Variants in DNAH11 observed in about 807,000 individuals in gnomAD.
The protein encoded by DNAH11 is axonemal beta dynein heavy chain 11.
A neutral mutation model predicts 526.0 loss-of-function variants in DNAH11; 442 were observed. The ratio of observed to expected loss-of-function variants is 0.84; its 90% CI spans 0.78 to 0.91. The LOEUF (loss-of-function observed/expected upper bound fraction) is 0.91. Among genes scored for constraint, DNAH11 ranks in the 40% least tolerant of loss-of-function variants. DNAH11 has a pLI of 0.00. For synonymous variants in DNAH11, 2,461 were observed against 1,935.9 expected, an observed-to-expected ratio of 1.27 and a Z score of -7.12; for missense variants, 6,989 against 5,448.7, an observed-to-expected ratio of 1.28 and a Z score of -8.90.
At chr7:21,789,638 A>C (rs1788347471) in intron 61 of DNAH11, among the ~76,000 whole-genome samples, 1 of 152,140 alleles carries the variant, frequency 6.6e-6, no homozygotes, top group Non-Finnish European at 1.5e-5. Flanking sequence ...TTCTGGAGTC[A>C]GACTATCTGG....
At chr7:21,891,758 C>G (rs1351582705) in intron 76 of DNAH11, among the ~76,000 whole-genome samples, 2 of 152,062 alleles carry the variant, frequency 1.3e-5, no homozygotes, top group East Asian at 1.9e-4. Flanking sequence ...TCTGTGGATC[C>G]TAAACAACAG....
intron 53 of DNAH11, among the ~76,000 whole-genome samples, chr7:21,750,015 GT>G (rs1786342450): frequency 6.6e-6 from 1 of 152,158 alleles, no homozygotes; most frequent in Admixed American, 6.6e-5. Context: ...ATTCTTACAC[GT>G]ACGGGTGTAG....
intron 72 of DNAH11, among the ~76,000 whole-genome samples, chr7:21,868,242 C>T (rs1332583480): frequency 1.3e-5 from 2 of 152,046 alleles, no homozygotes; most frequent in African/African-American, 2.4e-5. Context: ...CTGTTTTCCA[C>T]CTTTTGACTG....
intron 65 of DNAH11, among the ~76,000 whole-genome samples, chr7:21,828,841 C>T (rs1056748584): frequency 5.8e-5 from 8 of 138,074 alleles, no homozygotes; most frequent in South Asian, 2.3e-4. Context: ...TTGTTTAATT[C>T]TGGTTGAAGT....
At chr7:21,835,471 A>G (rs1583753368) in intron 65 of DNAH11, among the ~76,000 whole-genome samples, 2 of 152,206 alleles carry the variant, frequency 1.3e-5, no homozygotes, top group South Asian at 2.1e-4. Flanking sequence ...ACACAAATCA[A>G]TAAATGTGAT....
chr7:21,773,040 C>T (rs1989906), intron 55 of DNAH11, among the ~76,000 whole-genome samples: 142,218 of 152,252 alleles, frequency 0.93, 66,578 homozygotes, highest in African/African-American at 0.97. Flanking sequence ...CCTTGATTAA[C>T]TGAACCTGGT....
chr7:21,750,508 A>C, intron 54 of DNAH11, 144 bp downstream of exon 54: 1 of 1,119,660 alleles, frequency 8.9e-7, no homozygotes, highest in Non-Finnish European at 1.3e-6. Flanking sequence ...CTGTATCTGG[A>C]GCGTACCTTC....
At chr7:21,674,310 C>T (rs897089298) in intron 30 of DNAH11, among the ~76,000 whole-genome samples, 10 of 152,090 alleles carry the variant, frequency 6.6e-5, no homozygotes, top group Admixed American at 2.6e-4. Flanking sequence ...CCCACCCTGG[C>T]CTCCCAAAGT....
intron 68 of DNAH11, among the ~76,000 whole-genome samples, chr7:21,856,844 A>C (rs1782869557): frequency 6.6e-6 from 1 of 152,118 alleles, no homozygotes; most frequent in South Asian, 2.1e-4. Flanking sequence ...CAACATGATA[A>C]AATGCATCTA....
chr7:21,613,802 A>T (rs1785641693), intron 20 of DNAH11, among the ~76,000 whole-genome samples: 2 of 152,098 alleles, frequency 1.3e-5, no homozygotes, highest in Non-Finnish European at 2.9e-5. Context: ...TCTCACTCTG[A>T]CCAGGCTGTA....
At chr7:21,748,511 A>G in intron 51 of DNAH11, 69 bp from the exon 52 acceptor site, 1 of 1,307,068 alleles carries the variant, frequency 7.7e-7, no homozygotes, top group East Asian at 2.9e-5. Context: ...ATAAATAAAA[A>G]TAAACAGAAC....
At chr7:21,625,866 T>C (rs1012736632) in intron 25 of DNAH11, among the ~76,000 whole-genome samples, 1 of 152,162 alleles carries the variant, frequency 6.6e-6, no homozygotes, top group African/African-American at 2.4e-5. Flanking sequence ...AAATACTTGA[T>C]GTTATTTTTG....
At chr7:21,570,040 G>T in intron 6 of DNAH11, 29 bp from the exon 7 acceptor site, 1 of 1,500,748 alleles carries the variant, frequency 6.7e-7, no homozygotes, top group South Asian at 1.3e-5. Context: ...ACATAGTTTT[G>T]ATCATTGTTC....
At chr7:21,716,784 C>T (rs1336979803) in intron 42 of DNAH11, among the ~76,000 whole-genome samples, 1 of 152,182 alleles carries the variant, frequency 6.6e-6, no homozygotes, top group African/African-American at 2.4e-5. Flanking sequence ...TGCTGAAAAC[C>T]ATTTCTCTTG....
At chr7:21,768,944 GTAAC>G (rs911322758) in intron 55 of DNAH11, among the ~76,000 whole-genome samples, 9 of 152,048 alleles carry the variant, frequency 5.9e-5, no homozygotes, top group Non-Finnish European at 8.8e-5. Flanking sequence ...GTATACATAT[GTAAC>G]TAACCTGCAC....
chr7:21,647,126 TC>T (rs1375436988), intron 28 of DNAH11, among the ~76,000 whole-genome samples: 2 of 152,160 alleles, frequency 1.3e-5, no homozygotes, highest in Non-Finnish European at 2.9e-5. Context: ...TGCTAGGACT[TC>T]CCAAAGTGCG....
At position 21,756,758 on chromosome 7, in the gene DNAH11, C is replaced by G. The variant is rs528065566; in HGVS notation, c.8940+6394C>G. Among the ~76,000 whole-genome samples the G allele has an allele frequency of 2.6e-5, 4 of 152,190 alleles. No individual in the cohort carries two copies. In the East Asian group the frequency reaches 7.7e-4, roughly 29 times the overall value. On this transcript the variant is annotated intron_variant, in intron 54 of 81. Transcript: ENST00000409508. ...TTTTATTCTGGCTGAACTTTAAAAT[C>G]ACTTTGCTAAATTCTGCTAATCCTG...
intron 28 of DNAH11, among the ~76,000 whole-genome samples, chr7:21,655,458 A>G (rs1193392515): frequency 1.3e-5 from 2 of 152,152 alleles, no homozygotes; most frequent in African/African-American, 4.8e-5. Context: ...GCTTTTTCAT[A>G]GTGTACACTA....
chr7:21,609,524 C>T (rs1024047083), intron 20 of DNAH11, among the ~76,000 whole-genome samples: 3 of 151,858 alleles, frequency 2.0e-5, no homozygotes, highest in Non-Finnish European at 4.4e-5. Context: ...CCGGCCATAA[C>T]TGGGTATATA....
Sources: allele counts gnomAD v4.1 joint callset (sites outside exome capture counted in the v4.1 genomes callset), GRCh38; gene constraint gnomAD v4.1.1; transcripts MANE v1.5; gene names NCBI Gene and HGNC (gene_info 2026-07-23, HGNC 2026-07-21).